EFHC2: variants seen among roughly 807,000 people sequenced by gnomAD.
The protein encoded by EFHC2 is EF-hand domain-containing family member C2.
Under a neutral mutation model 52.7 loss-of-function variants are expected in EFHC2, and 18 were observed. The ratio of observed to expected loss-of-function variants is 0.34; its 90% confidence interval spans 0.24 to 0.51. The LOEUF (loss-of-function observed/expected upper bound fraction) is 0.51. Ranked by LOEUF, EFHC2 falls within the 20% of genes least tolerant of loss-of-function variation. The pLI is 0.97. For synonymous variants in EFHC2, 203 were observed against 204.1 expected (o/e 0.99, Z 0.04); for missense variants, 513 against 562.5 (o/e 0.91, Z 0.89).
chrX:44,179,578 A>G (rs2036818274), intron 11 of EFHC2, among the ~76,000 whole-genome samples: 1 of 112,237 alleles, frequency 8.9e-6, no homozygotes, highest in Non-Finnish European at 1.9e-5. Flanking sequence ...ATGTTGACCT[A>G]TCTAAAGGAA....
chrX:44,254,645 G>A (rs1007537270), intron 4 of EFHC2, among the ~76,000 whole-genome samples: 3 of 112,160 alleles, frequency 2.7e-5, no homozygotes, highest in Admixed American at 9.4e-5. Flanking sequence ...ACGTACGTTT[G>A]ATTGGTGTAC....
intron 10 of EFHC2, among the ~76,000 whole-genome samples, chrX:44,231,459 C>T (rs773319682): frequency 9.1e-6 from 1 of 110,372 alleles, no homozygotes; most frequent in South Asian, 3.9e-4. Context: ...ACCCACCCCT[C>T]CTCCTTCCTT....
At chrX:44,170,582 A>G (rs1432976409) in intron 13 of EFHC2, among the ~76,000 whole-genome samples, 1 of 110,893 alleles carries the variant, frequency 9.0e-6, no homozygotes, top group Non-Finnish European at 1.9e-5. Flanking sequence ...TCTCATGGCT[A>G]GAAGCATCAT....
At position 44,163,631 on chromosome X, in the gene EFHC2, T is replaced by C. The variant is rs144107579; in HGVS notation, c.2148+291A>G. ...TTACCAGAATCCCTTGATAACAGTGTTTATATCTATTTATAACTGTAACCT... is the reference window on the plus strand; with the variant it reads ...TTACCAGAATCCCTTGATAACAGTGCTTATATCTATTTATAACTGTAACCT... On this transcript the variant is annotated intron_variant, in intron 14 of 14. Coordinates refer to ENST00000420999, the MANE Select transcript of EFHC2 (RefSeq NM_025184.4). Among the ~76,000 whole-genome samples, 800 of 111,707 alleles carry C rather than the reference T, an allele frequency of 7.2e-3. 10 individuals are homozygous for C. Among genetic ancestry groups the C allele is most frequent in the African/African-American group, 0.023 (700 of 30,753 alleles).
chrX:44,328,573 C>T (rs144094923), intron 1 of EFHC2, among the ~76,000 whole-genome samples: 49 of 112,067 alleles, frequency 4.4e-4, no homozygotes, highest in African/African-American at 1.6e-3. Context: ...CCTTTGCAAT[C>T]TCCCCGTGAC....
chrX:44,246,673 G>A (rs942670746), intron 7 of EFHC2, among the ~76,000 whole-genome samples: 2 of 111,040 alleles, frequency 1.8e-5, no homozygotes, highest in Non-Finnish European at 3.8e-5. Flanking sequence ...AATTCACACT[G>A]CCTCAAAAAA....
chrX:44,265,230 C>G (rs1602185567), intron 3 of EFHC2, among the ~76,000 whole-genome samples: 1 of 111,783 alleles, frequency 8.9e-6, no homozygotes, highest in Non-Finnish European at 1.9e-5. Context: ...AATTCACCTT[C>G]CAGAATTAAG....
intron 11 of EFHC2, among the ~76,000 whole-genome samples, chrX:44,221,416 T>C (rs1387860000): frequency 1.8e-5 from 2 of 112,030 alleles, no homozygotes; most frequent in Non-Finnish European, 3.8e-5. Context: ...TGATTTGAAA[T>C]GTTCTCCATA....
intron 2 of EFHC2, among the ~76,000 whole-genome samples, chrX:44,273,965 T>C (rs186313078): frequency 8.9e-6 from 1 of 111,860 alleles, no homozygotes; most frequent in East Asian, 2.8e-4. Context: ...TTAACCTAAG[T>C]AAGAATATAT....
At chrX:44,187,752 T>C (rs1285104099) in intron 11 of EFHC2, among the ~76,000 whole-genome samples, 1 of 110,487 alleles carries the variant, frequency 9.1e-6, no homozygotes, top group Non-Finnish European at 1.9e-5. Flanking sequence ...ATAGTACCAC[T>C]GCACTCCAGC....
At chrX:44,254,477 C>A (rs1045239732) in intron 4 of EFHC2, among the ~76,000 whole-genome samples, 4 of 111,958 alleles carry the variant, frequency 3.6e-5, no homozygotes, top group African/African-American at 1.3e-4. Context: ...GTGAAGCATA[C>A]ACAAGTATCA....
intron 1 of EFHC2, among the ~76,000 whole-genome samples, chrX:44,313,373 A>G (rs1915647118): frequency 9.0e-6 from 1 of 111,541 alleles, no homozygotes; most frequent in Admixed American, 9.5e-5. Context: ...GCCAACATCA[A>G]CATTTGTGCA....
intron 11 of EFHC2, among the ~76,000 whole-genome samples, chrX:44,223,036 T>C (rs764533421): frequency 8.0e-5 from 9 of 112,145 alleles, no homozygotes; most frequent in Non-Finnish European, 1.7e-4. Flanking sequence ...ACAAAGGCTA[T>C]CTTTTAAATA....
chrX:44,162,648 T>C (rs1352937503), intron 14 of EFHC2, among the ~76,000 whole-genome samples: 2 of 111,712 alleles, frequency 1.8e-5, no homozygotes, highest in Non-Finnish European at 3.8e-5. Flanking sequence ...TGCTGTCCCA[T>C]GTCCAGAGAA....
At chrX:44,297,385 G>A (rs745395952) in intron 2 of EFHC2, among the ~76,000 whole-genome samples, 1 of 109,842 alleles carries the variant, frequency 9.1e-6, no homozygotes, top group African/African-American at 3.3e-5. Context: ...TATACCCTGG[G>A]TCCAGCCCTA....
At chrX:44,256,755 A>T (rs1222042442) in intron 4 of EFHC2, among the ~76,000 whole-genome samples, 2 of 111,568 alleles carry the variant, frequency 1.8e-5, no homozygotes, top group Non-Finnish European at 3.8e-5. Context: ...CAAACAATAG[A>T]AAAAGAGGCA....
intron 2 of EFHC2, among the ~76,000 whole-genome samples, chrX:44,273,409 C>T (rs1039208907): frequency 1.8e-5 from 2 of 111,461 alleles, no homozygotes; most frequent in African/African-American, 6.5e-5. Context: ...TGTATGGGGG[C>T]GGTAGGGAAT....
chrX:44,331,683 G>A (rs889371642), intron 1 of EFHC2, among the ~76,000 whole-genome samples: 1 of 111,921 alleles, frequency 8.9e-6, no homozygotes, highest in Non-Finnish European at 1.9e-5. Flanking sequence ...TCGGGGGGCC[G>A]AGGCAGACAA....
chrX:44,207,187 T>C (rs1345244789), intron 11 of EFHC2, among the ~76,000 whole-genome samples: 1 of 111,817 alleles, frequency 8.9e-6, no homozygotes, highest in Non-Finnish European at 1.9e-5. Context: ...TAACTCTCAT[T>C]ATATACAAAA....
Sources: allele counts gnomAD v4.1 joint callset (sites outside exome capture counted in the v4.1 genomes callset), GRCh38; gene constraint gnomAD v4.1.1; transcripts MANE v1.5; gene names NCBI Gene and HGNC (gene_info 2026-07-23, HGNC 2026-07-21).